The following CTXND2 variants were observed in gnomAD, a reference collection of about 807,000 sequenced individuals.
CTXND2 encodes the protein cortexin domain containing 2.
At chr1:150,908,285 C>T (rs149073573) in intron 1 of CTXND2, among the ~76,000 whole-genome samples, 58 of 152,220 alleles carry the variant, frequency 3.8e-4, no homozygotes, top group Non-Finnish European at 6.6e-4. Context: ...GGATTATAGG[C>T]GTGAGCCACC....
chr1:150,907,910 C>T (rs1031679977), intron 1 of CTXND2, among the ~76,000 whole-genome samples: 17 of 151,968 alleles, frequency 1.1e-4, no homozygotes, highest in Non-Finnish European at 2.2e-4. Context: ...GGGGTTTCAC[C>T]GTGTTAGCCA....
chr1:150,888,218 T>A (rs1326812359), intron 1 of CTXND2, among the ~76,000 whole-genome samples: 1 of 64,108 alleles, frequency 1.6e-5, no homozygotes, highest in African/African-American at 4.7e-5. Context: ...TTACCTAATT[T>A]ATTTTTTTTT....
chr1:150,901,626 C>T (rs1184185174), intron 1 of CTXND2, among the ~76,000 whole-genome samples: 1 of 152,100 alleles, frequency 6.6e-6, no homozygotes, highest in Non-Finnish European at 1.5e-5. Flanking sequence ...CAAGAACATT[C>T]AATGGGGCTG....
At chr1:150,892,237 T>C (rs1047744396) in intron 1 of CTXND2, among the ~76,000 whole-genome samples, 1 of 152,118 alleles carries the variant, frequency 6.6e-6, no homozygotes, top group African/African-American at 2.4e-5. Context: ...CTTCTAAAGG[T>C]TTTCAAGTTT....
intron 1 of CTXND2, among the ~76,000 whole-genome samples, chr1:150,900,136 C>G (rs1327356270): frequency 6.6e-6 from 1 of 152,100 alleles, no homozygotes; most frequent in Non-Finnish European, 1.5e-5. Context: ...TTCTTTTGCT[C>G]TTCTCAATAA....
intron 1 of CTXND2, among the ~76,000 whole-genome samples, chr1:150,901,523 T>C (rs1237908433): frequency 2.0e-5 from 3 of 152,294 alleles, no homozygotes; most frequent in East Asian, 3.9e-4. Flanking sequence ...CAAGACAGTA[T>C]GATATTGGTG....
intron 1 of CTXND2, chr1:150,903,915 G>A (rs1407849986): frequency 1.3e-5 from 8 of 639,496 alleles, no homozygotes; most frequent in Non-Finnish European, 2.4e-5. Flanking sequence ...GTTGAGAAAG[G>A]CAAGAAGATT....
intron 1 of CTXND2, among the ~76,000 whole-genome samples, chr1:150,902,499 C>G (rs1487814499): frequency 6.6e-6 from 1 of 151,900 alleles, no homozygotes; most frequent in Non-Finnish European, 1.5e-5. Context: ...GCCCAGGAGA[C>G]AGAGGTTGCA....
At chr1:150,903,688 C>T (rs188453206) in intron 1 of CTXND2, among the ~76,000 whole-genome samples, 1 of 151,526 alleles carries the variant, frequency 6.6e-6, no homozygotes. Flanking sequence ...ATCCCAGCTG[C>T]TCGGGAGGCT....
chr1:150,887,991 C>T (rs1383629127), intron 1 of CTXND2, among the ~76,000 whole-genome samples: 2 of 151,744 alleles, frequency 1.3e-5, no homozygotes, highest in East Asian at 3.9e-4. Flanking sequence ...AGCTTCACAC[C>T]ACACCTCCTT....
chr1:150,896,189 T>C (rs1482450108), intron 1 of CTXND2, among the ~76,000 whole-genome samples: 1 of 152,158 alleles, frequency 6.6e-6, no homozygotes, highest in Non-Finnish European at 1.5e-5. Flanking sequence ...CCATTCTTGA[T>C]ACCGTAAGGG....
intron 1 of CTXND2, among the ~76,000 whole-genome samples, chr1:150,902,389 A>G (rs1669054690): frequency 6.6e-6 from 1 of 151,494 alleles, no homozygotes; most frequent in South Asian, 2.1e-4. Flanking sequence ...CCTGGGCAAC[A>G]GAGAGAGACT....
At chr1:150,904,174 C>T (rs587745073) in intron 1 of CTXND2, 7 of 636,680 alleles carry the variant, frequency 1.1e-5, no homozygotes, top group East Asian at 7.2e-5. Context: ...CAGAAAAGGC[C>T]GACTTGACAG....
chr1:150,898,402 T>C (rs1668938547), intron 1 of CTXND2, among the ~76,000 whole-genome samples: 1 of 152,076 alleles, frequency 6.6e-6, no homozygotes, highest in Non-Finnish European at 1.5e-5. Flanking sequence ...GAATCTTCTT[T>C]TATATGACCT....
intron 1 of CTXND2, among the ~76,000 whole-genome samples, chr1:150,905,578 A>G (rs998227354): frequency 6.6e-6 from 1 of 152,172 alleles, no homozygotes; most frequent in African/African-American, 2.4e-5. Flanking sequence ...GCACAATACT[A>G]CTTATAATCT....
rs11204740 is a variant in CTXND2, at chr1:150,897,000, C to T, written c.-74+9687C>T. Among the ~76,000 whole-genome samples, 80 of 152,044 alleles carry T rather than the reference C, an allele frequency of 5.3e-4. 1 individual carries two copies. The highest frequency in any genetic ancestry group is 1.9e-3 in the African/African-American group (79 of 41,468). On this transcript the variant is annotated intron_variant, in intron 1 of 1. Coordinates refer to ENST00000636087, the Ensembl canonical transcript of CTXND2. ...AATGTTAAAGGAAAAGGCTTGAAAG[C>T]AAAGGGGAAGAGAGGGGCAGGCAAA...
At chr1:150,900,807 G>A (rs1002694885) in intron 1 of CTXND2, among the ~76,000 whole-genome samples, 3 of 152,102 alleles carry the variant, frequency 2.0e-5, no homozygotes, top group Non-Finnish European at 4.4e-5. Context: ...TACATGAACA[G>A]ACCATTTACA....
chr1:150,888,862 T>G (rs949089140), intron 1 of CTXND2, among the ~76,000 whole-genome samples: 1 of 151,604 alleles, frequency 6.6e-6, no homozygotes, highest in African/African-American at 2.4e-5. Flanking sequence ...GCCAGGCTAA[T>G]TTGATTTTGT....
chr1:150,897,756 A>AAT lies in CTXND2; in HGVS notation c.-74+10453_-74+10454dup, dbSNP rs1422375071. ...TAAACAATGTGATATATCTATAAAT[A>AAT]ATATATATATACACCCAAAGGGTGG... On this transcript the variant is annotated intron_variant, in intron 1 of 1. Coordinates refer to ENST00000636087, the Ensembl canonical transcript of CTXND2. Among the ~76,000 whole-genome samples, 6 of 152,160 alleles carry AAT rather than the reference A, an allele frequency of 3.9e-5. No homozygotes were observed. In the South Asian group the frequency reaches 6.2e-4, roughly 16 times the overall value.
Sources: gnomAD v4.1 joint callset for allele counts (sites outside exome capture counted in the v4.1 genomes callset) on GRCh38, gnomAD v4.1.1 for gene constraint, MANE v1.5 for transcripts, NCBI Gene and HGNC (gene_info 2026-07-23, HGNC 2026-07-21) for gene names.